The following HUWE1 variants were observed in gnomAD, a reference collection of about 807,000 sequenced individuals.
The protein encoded by HUWE1 is E3 ubiquitin-protein ligase HUWE1.
In HUWE1, 18 loss-of-function variants were observed where a neutral mutation model predicts 299.4. That is an observed-to-expected ratio of 0.06 (90% CI 0.04 to 0.09). The LOEUF (loss-of-function observed/expected upper bound fraction) is 0.09. Among genes scored for constraint, HUWE1 ranks in the 10% least tolerant of loss-of-function variants. The probability of loss-of-function intolerance (pLI) is 1.00; values close to 1 mark genes in which losing one functional copy is unlikely to be tolerated. For synonymous variants in HUWE1, 1,317 were observed against 1,286.1 expected, an observed-to-expected ratio of 1.02 and a Z score of -0.51; for missense variants, 1,832 against 3,462.3, an observed-to-expected ratio of 0.53 and a Z score of 11.82.
chrX:53,651,382 G>C (rs1241515566), intron 4 of HUWE1, among the ~76,000 whole-genome samples: 1 of 111,132 alleles, frequency 9.0e-6, no homozygotes, highest in Non-Finnish European at 1.9e-5. Flanking sequence ...TTTAAGTAGA[G>C]TAGTCCCTCT....
chrX:53,663,933 C>A (rs2069131912), intron 3 of HUWE1, among the ~76,000 whole-genome samples: 1 of 110,682 alleles, frequency 9.0e-6, no homozygotes, highest in Non-Finnish European at 1.9e-5. Context: ...AGTAGTTGGC[C>A]TTTAATGGTT....
rs2064223032 is a variant in HUWE1, at chrX:53,592,641, T to C, written c.3742-13A>G. 1 of 1,112,775 alleles carries C rather than the reference T, an allele frequency of 9.0e-7. No homozygotes were observed. The highest frequency in any genetic ancestry group is 2.4e-4 in the Middle Eastern group (1 of 4,132). 91.7% of individuals were successfully genotyped at this position (1,112,775 alleles called of 1,213,427 possible). A position where few individuals can be genotyped will look rare whatever the true frequency, so the allele number is the denominator to read the frequency against. The stretch of plus-strand genomic sequence containing the variant: ...AAGTAAAGGCTGCCTGTAAGTAATT[T>C]GAAAAGTGTGTGAAAATCATTTTGC... On this transcript the variant is annotated splice_polypyrimidine_tract_variant and intron_variant, in intron 32 of 83. Transcript: ENST00000262854.
chrX:53,668,601 C>G (rs6654698), intron 3 of HUWE1, among the ~76,000 whole-genome samples: 1,565 of 111,515 alleles, frequency 0.014, 28 homozygotes, highest in African/African-American at 0.049. Context: ...TGCCATACAT[C>G]TCTGAGTCCA....
chrX:53,609,442 T>C (rs2065325624), intron 23 of HUWE1, among the ~76,000 whole-genome samples: 1 of 112,093 alleles, frequency 8.9e-6, no homozygotes, highest in African/African-American at 3.2e-5. Context: ...GAGTAGGAAA[T>C]ACAATTTAAT....
At chrX:53,606,059 G>A (rs1191381940) in intron 25 of HUWE1, among the ~76,000 whole-genome samples, 1 of 111,581 alleles carries the variant, frequency 9.0e-6, no homozygotes, top group Non-Finnish European at 1.9e-5. Flanking sequence ...TTGTGGACAC[G>A]ACACCAAAAA....
At chrX:53,650,292 G>C (rs996309433) in intron 4 of HUWE1, among the ~76,000 whole-genome samples, 1 of 112,105 alleles carries the variant, frequency 8.9e-6, no homozygotes, top group African/African-American at 3.2e-5. Context: ...TGTGGTACAA[G>C]GTACAGCAAC....
Position 53,589,468 on chromosome X carries a change from A to C in HUWE1, c.4461+79T>G, listed in dbSNP as rs2064039194. Reference sequence around the variant, plus strand: ...TATCAGGTAGAATGAAAATATGCTGATTTTTCAGAAATCAGGTTTTGACAC... The same window carrying C: ...TATCAGGTAGAATGAAAATATGCTGCTTTTTCAGAAATCAGGTTTTGACAC... On this transcript the variant is annotated intron_variant, in intron 36 of 83. Transcript: ENST00000262854. 23 of 982,394 alleles carry C rather than the reference A, an allele frequency of 2.3e-5. No homozygotes were observed. The South Asian group carries it at 4.4e-4, about 19-fold the overall frequency. 81.0% of individuals were successfully genotyped at this position (982,394 alleles called of 1,213,427 possible).
rs782213714 is a variant in HUWE1 at position 53,591,224 on chromosome X, C to A, written c.3973-102G>T. On this transcript the variant is annotated intron_variant, in intron 33 of 83. Transcript: ENST00000262854. ...AGATGGAAATAACTTTTTCTAACTT[C>A]ATCTGGGCTGAGAGCATTTATGAGC... is the stretch of plus-strand genomic sequence containing the variant. The A allele has an allele frequency of 7.3e-6, 7 of 957,839 alleles. No individual in the cohort carries two copies. In the African/African-American group the frequency reaches 1.3e-4, roughly 18 times the overall value. The allele number at this position is 957,839 out of a possible 1,213,427, so 78.9% of individuals were successfully genotyped here.
rs1467547466 is a variant in HUWE1, at chrX:53,624,623, T to G, written c.1644A>C (p.Glu548Asp). 8.3e-7 allele frequency: 1 copy of G among 1,204,830 alleles called. No individual in the cohort carries two copies. Among genetic ancestry groups the G allele is most frequent in the Non-Finnish European group, 1.1e-6 (1 of 890,211 alleles). Residue 548 changes from glutamate to aspartate, a missense_variant, in exon 19 of 84, where the codon GAA (glutamate) becomes GAC (aspartate). Coordinates refer to ENST00000262854, the MANE Select transcript of HUWE1 (RefSeq NM_031407.7). ...GGAGGAAGAGTGATGGGCCATAGTA[T>G]TCTGCATTGCTGATGATGTGTTTCA... ...TSLKHIISNA[E>D]YYGPSLFLLA...
chrX:53,654,435 T>C (rs1317209771), intron 3 of HUWE1, among the ~76,000 whole-genome samples: 2 of 111,986 alleles, frequency 1.8e-5, no homozygotes, highest in African/African-American at 3.2e-5. Context: ...GAGTGTACAA[T>C]GTTTGCAACA....
At chrX:53,563,362 G>A (rs1315441529) in intron 52 of HUWE1, among the ~76,000 whole-genome samples, 2 of 111,535 alleles carry the variant, frequency 1.8e-5, no homozygotes, top group Non-Finnish European at 3.8e-5. Context: ...CACCCTCAGG[G>A]AATGATCATT....
In HUWE1 at chrX:53,547,788, T is replaced by G. The variant is rs2061609460; in HGVS notation, c.10521A>C (p.Ala3507=). 2 of 1,200,935 alleles carry G rather than the reference T, an allele frequency of 1.7e-6. No individual in the cohort carries two copies. Among genetic ancestry groups the G allele is most frequent in the East Asian group, 3.0e-5 (1 of 33,456 alleles). Residue 3507 remains alanine (A), a synonymous_variant, in exon 68 of 84, where the codon GCA becomes GCC. Coordinates refer to ENST00000262854, the MANE Select transcript of HUWE1 (RefSeq NM_031407.7). ...AASTTPTPPT[A]PTPVTSAPAL... is the part of the protein sequence containing the mutation. Reference sequence around the variant, plus strand: ...CTGGAGCAGAAGTGACAGGGGTGGGTGCAGTAGGGGGTGTGGGCGTGGTGG... The same window carrying G: ...CTGGAGCAGAAGTGACAGGGGTGGGGGCAGTAGGGGGTGTGGGCGTGGTGG...
At chrX:53,678,186 A>G (rs2069930492) in intron 3 of HUWE1, among the ~76,000 whole-genome samples, 1 of 112,141 alleles carries the variant, frequency 8.9e-6, no homozygotes. Flanking sequence ...AAAACTTTTA[A>G]AGAGAACTTA....
intron 18 of HUWE1, 100 bp from the exon 19 acceptor site, chrX:53,624,775 C>T: frequency 1.7e-6 from 1 of 600,604 alleles, no homozygotes; most frequent in Non-Finnish European, 2.8e-6. Flanking sequence ...ACACTGTGGT[C>T]CTCAAAGCCT....
intron 49 of HUWE1, 74 bp downstream of exon 49, chrX:53,568,618 A>G: frequency 9.7e-7 from 1 of 1,034,572 alleles, no homozygotes; most frequent in South Asian, 2.1e-5. Context: ...TTCCCACTAC[A>G]CCAGCTACCT....
intron 3 of HUWE1, among the ~76,000 whole-genome samples, chrX:53,668,055 T>G (rs1391336768): frequency 1.1e-4 from 12 of 111,226 alleles, no homozygotes; most frequent in Non-Finnish European, 2.1e-4. Context: ...TGGTACCAGA[T>G]ACCAAAGAAA....
intron 47 of HUWE1, among the ~76,000 whole-genome samples, chrX:53,573,290 T>C (rs2062926399): frequency 9.0e-6 from 1 of 111,317 alleles, no homozygotes; most frequent in African/African-American, 3.3e-5. Flanking sequence ...CAGGCAGGTG[T>C]ACGATGGTGC....
Position 53,608,929 on chromosome X carries a change from T to A in HUWE1, c.2262-20A>T. 3.0e-6 allele frequency: 3 copies of A among 1,008,393 alleles called. No homozygotes were observed. The highest frequency in any genetic ancestry group is 4.2e-6 in the Non-Finnish European group (3 of 710,346). The allele number at this position is 1,008,393 out of a possible 1,213,427, so 83.1% of individuals were successfully genotyped here. On this transcript the variant is annotated intron_variant, in intron 23 of 83. Coordinates refer to ENST00000262854, the MANE Select transcript of HUWE1 (RefSeq NM_031407.7). ...ACAACCCTGTTAGGGGAGAAAAGAG[T>A]GAGTTACACAGAAATTCACAATACC...
Position 53,604,576 on chromosome X carries a change from A to C in HUWE1, c.2742+13T>G, listed in dbSNP as rs1556994856. The C allele has an allele frequency of 8.3e-7, 1 of 1,209,601 alleles. No individual in the cohort carries two copies. Among genetic ancestry groups the C allele is most frequent in the Admixed American group, 2.2e-5 (1 of 46,048 alleles). ...CTTTAAATTAATATGTTCACCCCTAAGGTTATTTTTACCTGTCCAACTCTG... is the reference window on the plus strand; with the variant it reads ...CTTTAAATTAATATGTTCACCCCTACGGTTATTTTTACCTGTCCAACTCTG... On this transcript the variant is annotated intron_variant, in intron 26 of 83. Coordinates refer to ENST00000262854, the MANE Select transcript of HUWE1 (RefSeq NM_031407.7).
Sources: allele counts gnomAD v4.1 joint callset (sites outside exome capture counted in the v4.1 genomes callset), GRCh38; gene constraint gnomAD v4.1.1; transcripts MANE v1.5; gene names NCBI Gene and HGNC (gene_info 2026-07-23, HGNC 2026-07-21).